Variants in MAPK10 observed in about 807,000 individuals in gnomAD.
MAPK10 encodes the protein mitogen-activated protein kinase 10, also known as JNK3 alpha protein kinase.
A neutral mutation model predicts 59.3 loss-of-function variants in MAPK10; 25 were observed. The observed-to-expected ratio is 0.42, with a 90% CI of 0.31 to 0.59. MAPK10 has a LOEUF of 0.59. Among genes scored for constraint, MAPK10 ranks in the 20% least tolerant of loss-of-function variants. MAPK10 has a pLI of 0.15. For synonymous variants in MAPK10, 190 were observed against 200.5 expected, an observed-to-expected ratio of 0.95 and a Z score of 0.44; for missense variants, 351 against 568.9, an observed-to-expected ratio of 0.62 and a Z score of 3.90.
intron 1 of MAPK10, among the ~76,000 whole-genome samples, chr4:86,582,426 A>C (rs1303093331): frequency 6.6e-6 from 1 of 152,226 alleles, no homozygotes; most frequent in Non-Finnish European, 1.5e-5. Context: ...GGGTTTTTGC[A>C]CATATCTTGC....
intron 9 of MAPK10, among the ~76,000 whole-genome samples, chr4:86,077,349 A>G (rs560370868): frequency 2.0e-5 from 3 of 152,194 alleles, no homozygotes; most frequent in Non-Finnish European, 2.9e-5. Context: ...GGAACTTTCT[A>G]AAACGATAAT....
intron 2 of MAPK10, among the ~76,000 whole-genome samples, chr4:86,206,194 C>T (rs113254181): frequency 1.1e-4 from 16 of 151,784 alleles, no homozygotes; most frequent in Admixed American, 7.2e-4. Context: ...ATCCCTCCCC[C>T]GTCCCCCCAC....
chr4:86,142,577 A>G (rs562167547), intron 4 of MAPK10, among the ~76,000 whole-genome samples: 9 of 152,308 alleles, frequency 5.9e-5, no homozygotes, highest in African/African-American at 2.2e-4. Context: ...TTTGTCATAT[A>G]AATTATGTTA....
chr4:86,034,371 T>C (rs2148924262), intron 11 of MAPK10, among the ~76,000 whole-genome samples: 1 of 152,348 alleles, frequency 6.6e-6, no homozygotes, highest in South Asian at 2.1e-4. Flanking sequence ...ACATTTTTAT[T>C]GATGGTTAAT....
intron 1 of MAPK10, 23 bp downstream of exon 1, chr4:86,359,635 A>C (rs573285629): frequency 8.2e-6 from 8 of 980,334 alleles, no homozygotes; most frequent in Non-Finnish European, 8.5e-6. Context: ...GTTAGAACCC[A>C]GAACGAGCAA....
At chr4:86,163,235 AAGAGCTTCCCCCAG>A (rs2070442885) in intron 3 of MAPK10, among the ~76,000 whole-genome samples, 1 of 152,134 alleles carries the variant, frequency 6.6e-6, no homozygotes, top group African/African-American at 2.4e-5. Flanking sequence ...TGATGTGTTA[AAGAGCTTCCCCCAG>A]ATCCCATCTG....
chr4:86,495,340 A>G (rs564183778), intron 1 of MAPK10, among the ~76,000 whole-genome samples: 1 of 152,342 alleles, frequency 6.6e-6, no homozygotes, highest in Admixed American at 6.5e-5. Context: ...ATTCCCAGAT[A>G]ACCATCCAGT....
chr4:86,559,101 T>C (rs777386408), intron 1 of MAPK10, among the ~76,000 whole-genome samples: 30 of 152,086 alleles, frequency 2.0e-4, no homozygotes, highest in Non-Finnish European at 3.5e-4. Context: ...TTTTTTTCCA[T>C]TGGAGTTCAA....
At chr4:86,200,295 A>G (rs2082315040) in intron 2 of MAPK10, among the ~76,000 whole-genome samples, 1 of 152,018 alleles carries the variant, frequency 6.6e-6, no homozygotes, top group Non-Finnish European at 1.5e-5. Context: ...TGAACAGAGA[A>G]TAGTCTGAAA....
chr4:86,465,076 CAGG>C (rs1752080924), intron 1 of MAPK10, among the ~76,000 whole-genome samples: 1 of 152,224 alleles, frequency 6.6e-6, no homozygotes, highest in Non-Finnish European at 1.5e-5. Context: ...TCATCTTTTA[CAGG>C]AGGAGTTAAT....
intron 1 of MAPK10, chr4:86,356,404 T>C (rs1267722341): frequency 6.4e-6 from 2 of 313,048 alleles, no homozygotes; most frequent in African/African-American, 4.5e-5. Context: ...AAATAGTATA[T>C]GTGTGAGGTC....
At chr4:86,316,202 G>A (rs1277451178) in intron 2 of MAPK10, among the ~76,000 whole-genome samples, 3 of 152,036 alleles carry the variant, frequency 2.0e-5, no homozygotes, top group Non-Finnish European at 4.4e-5. Flanking sequence ...GCAAATGGAA[G>A]TATATTAGCA....
intron 2 of MAPK10, among the ~76,000 whole-genome samples, chr4:86,321,144 A>C (rs62307368): frequency 0.28 from 41,689 of 151,280 alleles, 6,326 homozygotes; most frequent in Non-Finnish European, 0.35. Flanking sequence ...GTGGGACTGT[A>C]AACTAGTTCA....
At chr4:86,065,339 G>C (rs576650171) in intron 10 of MAPK10, 1 of 152,234 alleles carries the variant, frequency 6.6e-6, no homozygotes, top group African/African-American at 2.4e-5. Flanking sequence ...ATCATGACTT[G>C]ATGAAATCCA....
At chr4:86,082,767 G>A (rs189508003) in intron 9 of MAPK10, among the ~76,000 whole-genome samples, 19 of 152,238 alleles carry the variant, frequency 1.2e-4, no homozygotes, top group Admixed American at 8.5e-4. Flanking sequence ...TCTCTACTCA[G>A]GGGGTTGGCA....
intron 4 of MAPK10, among the ~76,000 whole-genome samples, chr4:86,108,860 G>A (rs1289125930): frequency 6.6e-6 from 1 of 152,152 alleles, no homozygotes. Context: ...GTGGCCTAGA[G>A]TCAACACTCT....
chr4:86,028,993 T>C, intron 13 of MAPK10: 1 of 640,602 alleles, frequency 1.6e-6, no homozygotes, highest in South Asian at 1.7e-5. Flanking sequence ...GTTTTTGTAC[T>C]GGATCATTAC....
chr4:86,523,561 A>C (rs1367580613), intron 1 of MAPK10, among the ~76,000 whole-genome samples: 3 of 152,230 alleles, frequency 2.0e-5, no homozygotes. Context: ...TCGGATTTAC[A>C]TCACCATTGT....
intron 1 of MAPK10, among the ~76,000 whole-genome samples, chr4:86,460,921 A>G (rs1751676476): frequency 6.6e-6 from 1 of 152,188 alleles, no homozygotes; most frequent in Non-Finnish European, 1.5e-5. Flanking sequence ...CTCAGCTCTG[A>G]AGGCTGTGAG....
Sources: allele counts gnomAD v4.1 joint callset (sites outside exome capture counted in the v4.1 genomes callset), GRCh38; gene constraint gnomAD v4.1.1; transcripts MANE v1.5; gene names NCBI Gene and HGNC (gene_info 2026-07-23, HGNC 2026-07-21).